ZDHHC7: variants seen among roughly 807,000 people sequenced by gnomAD.
ZDHHC7 encodes the protein palmitoyltransferase ZDHHC7.
In ZDHHC7, 12 loss-of-function variants were observed where a neutral mutation model predicts 34.1. The observed-to-expected ratio is 0.35, with a 90% CI of 0.23 to 0.57. The LOEUF (loss-of-function observed/expected upper bound fraction) is 0.57. Among genes scored for constraint, ZDHHC7 ranks in the 20% least tolerant of loss-of-function variants. The pLI is 0.84. For synonymous variants in ZDHHC7, 185 were observed against 155.4 expected (o/e 1.19, Z -1.42); for missense variants, 388 against 402.7 (o/e 0.96, Z 0.31).
At chr16:85,000,845 A>G (rs1208622448) in intron 1 of ZDHHC7, among the ~76,000 whole-genome samples, 1 of 152,212 alleles carries the variant, frequency 6.6e-6, no homozygotes, top group Non-Finnish European at 1.5e-5. Flanking sequence ...GTGAGGATCC[A>G]ATGTGCAAAG....
At chr16:85,026,083 T>C in the ZDHHC7 span, among the ~76,000 whole-genome samples, 5 of 152,138 alleles carry the variant, frequency 3.3e-5, no homozygotes, top group Non-Finnish European at 5.9e-5. Context: ...CAGGAGAGGG[T>C]CTGCATGATA....
intron 2 of ZDHHC7, among the ~76,000 whole-genome samples, chr16:84,993,881 C>A (rs924120227): frequency 2.6e-5 from 4 of 152,168 alleles, no homozygotes; most frequent in African/African-American, 7.2e-5. Flanking sequence ...CTCTTCTAGG[C>A]AAGCCAACCT....
intron 2 of ZDHHC7, among the ~76,000 whole-genome samples, chr16:84,993,476 A>G (rs752301461): frequency 6.1e-5 from 9 of 147,848 alleles, no homozygotes; most frequent in Non-Finnish European, 1.2e-4. Flanking sequence ...TACAAAACAA[A>G]ATTGTTTTTT....
chr16:84,989,007 G>A (rs1461140444), intron 3 of ZDHHC7: 18 of 873,680 alleles, frequency 2.1e-5, no homozygotes, highest in African/African-American at 6.7e-5. Context: ...AGGAGAGGGC[G>A]GAGACACACA....
intron 3 of ZDHHC7, among the ~76,000 whole-genome samples, chr16:84,982,329 G>A (rs1267372974): frequency 8.0e-5 from 12 of 149,290 alleles, no homozygotes; most frequent in African/African-American, 2.7e-4. Flanking sequence ...TGGGCGACAG[G>A]GCAAGACTCC....
At chr16:84,990,795 A>G (rs1260748930) in intron 2 of ZDHHC7, among the ~76,000 whole-genome samples, 160 bp from the exon 3 acceptor site, 1 of 152,210 alleles carries the variant, frequency 6.6e-6, no homozygotes, top group African/African-American at 2.4e-5. Flanking sequence ...GAATTTTTAA[A>G]TCTCTGACTT....
the ZDHHC7 span, among the ~76,000 whole-genome samples, chr16:85,022,332 C>G: frequency 3.3e-5 from 5 of 151,934 alleles, no homozygotes; most frequent in Admixed American, 1.3e-4. Context: ...ACCAGCCTGG[C>G]CAACATGGTG....
chr16:85,009,859 C>T (rs1347018112), intron 1 of ZDHHC7, among the ~76,000 whole-genome samples: 1 of 151,946 alleles, frequency 6.6e-6, no homozygotes, highest in Non-Finnish European at 1.5e-5. Context: ...CAGGCGCCCA[C>T]CACCATGCCC....
At chr16:85,023,050 GACAA>G in the ZDHHC7 span, among the ~76,000 whole-genome samples, 1 of 152,084 alleles carries the variant, frequency 6.6e-6, no homozygotes. Flanking sequence ...AGCCAGAGAA[GACAA>G]ACAATTCTCC....
intron 7 of ZDHHC7, among the ~76,000 whole-genome samples, chr16:84,976,767 T>A (rs897149791): frequency 2.6e-5 from 4 of 152,232 alleles, no homozygotes; most frequent in African/African-American, 9.6e-5. Flanking sequence ...TTGTCGCTCG[T>A]TAGTTACTGT....
intron 1 of ZDHHC7, among the ~76,000 whole-genome samples, chr16:85,009,842 G>A (rs2072767232): frequency 6.6e-6 from 1 of 151,264 alleles, no homozygotes; most frequent in African/African-American, 2.4e-5. Context: ...CCGAGTAGCT[G>A]GGACTACAGG....
chr16:85,004,705 T>A (rs1304743186), intron 1 of ZDHHC7, among the ~76,000 whole-genome samples: 1 of 152,052 alleles, frequency 6.6e-6, no homozygotes, highest in African/African-American at 2.4e-5. Flanking sequence ...TCCACAAACA[T>A]TTCTTGAGTG....
At chr16:84,981,490 G>A (rs1221616598) in intron 4 of ZDHHC7, among the ~76,000 whole-genome samples, 2 of 152,222 alleles carry the variant, frequency 1.3e-5, no homozygotes, top group African/African-American at 4.8e-5. Context: ...GGAAGGTTCT[G>A]AGCCTTTCTT....
rs758226485 is a variant in ZDHHC7, at chr16:84,977,100, C to T, written c.745G>A (p.Glu249Lys). The change falls in exon 7 of 8, where the codon GAG (glutamate) becomes AAG (lysine). Residue 249 changes from glutamate (E) to lysine (K), a missense_variant. By Grantham distance (56) the Glu-to-Lys change is moderately conservative. Coordinates refer to ENST00000313732, the MANE Select transcript of ZDHHC7 (RefSeq NM_017740.3). The stretch of plus-strand genomic sequence containing the variant: ...CAGCCGAGAACAAAGCTTACCGTCT[C>T]GTCGTTGCATATGGAGTGGATTTGG... ...GTQIHSICND[E>K]TEIERLKSEK... 15 of 1,614,008 alleles carry T rather than the reference C, an allele frequency of 9.3e-6. 1 individual carries two copies. Among genetic ancestry groups the T allele is most frequent in the South Asian group, 3.3e-5 (3 of 91,076 alleles).
intron 2 of ZDHHC7, among the ~76,000 whole-genome samples, chr16:84,991,187 A>G (rs1324139918): frequency 6.6e-6 from 1 of 152,148 alleles, no homozygotes; most frequent in African/African-American, 2.4e-5. Context: ...TTTGATTCTC[A>G]GTTTATCCTC....
chr16:84,986,195 C>G (rs1336433321), intron 3 of ZDHHC7, among the ~76,000 whole-genome samples: 6 of 152,196 alleles, frequency 3.9e-5, no homozygotes, highest in Admixed American at 2.0e-4. Context: ...TGGTGACAAG[C>G]TCAAGGTGGA....
At chr16:84,977,324 G>T in intron 6 of ZDHHC7, 99 bp from the exon 7 acceptor site, 1 of 1,447,640 alleles carries the variant, frequency 6.9e-7, no homozygotes, top group Non-Finnish European at 9.4e-7. Context: ...CCCCTGGCCA[G>T]CTTCCAGGGG....
intron 4 of ZDHHC7, among the ~76,000 whole-genome samples, chr16:84,979,503 G>A (rs571572451): frequency 9.9e-5 from 15 of 152,008 alleles, no homozygotes; most frequent in East Asian, 1.9e-4. Context: ...AACAGCTTGG[G>A]GCGAAAGGTC....
chr16:84,996,905 T>C (rs1224035888), intron 1 of ZDHHC7, among the ~76,000 whole-genome samples: 1 of 151,610 alleles, frequency 6.6e-6, no homozygotes, highest in Non-Finnish European at 1.5e-5. Context: ...TGGGCGCTTG[T>C]AATCCCAGCT....
Sources: gnomAD v4.1 joint callset for allele counts (sites outside exome capture counted in the v4.1 genomes callset) on GRCh38, gnomAD v4.1.1 for gene constraint, MANE v1.5 for transcripts, NCBI Gene and HGNC (gene_info 2026-07-23, HGNC 2026-07-21) for gene names.